COL26A1: variants seen among roughly 807,000 people sequenced by gnomAD.
COL26A1 encodes the protein collagen type XXVI alpha 1 chain, also known as collagen alpha-1(XXVI) chain.
COL26A1 carries 41 observed loss-of-function variants against 59.3 expected under a neutral mutation model. The ratio of observed to expected loss-of-function variants is 0.69; its 90% confidence interval spans 0.54 to 0.90. The LOEUF (loss-of-function observed/expected upper bound fraction) is 0.90, where lower values mean the gene tolerates loss of function less well. Among genes scored for constraint, COL26A1 ranks in the 40% least tolerant of loss-of-function variants. COL26A1 has a pLI of 0.00. For synonymous variants in COL26A1, 266 were observed against 256.0 expected (o/e 1.04, Z -0.37); for missense variants, 612 against 602.3 (o/e 1.02, Z -0.17).
In COL26A1 at chr7:101,557,489, C is replaced by A; in HGVS notation, c.1285C>A (p.Pro429Thr). ...GVLAALLGPD[P>T]GQKSVDQASS... ...CCTTGCTGCCCTGCTTGGGCCCGAC[C>A]CTGGACAGAAGAGCGTGGACCAGGC... Residue 429 changes from proline (P) to threonine (T), a missense_variant, in exon 13 of 13, where the codon CCT becomes ACT. Pro to Thr is a conservative substitution (Grantham distance 38). Coordinates refer to ENST00000313669, the MANE Select transcript of COL26A1 (RefSeq NM_001278563.3). 6.2e-7 allele frequency: 1 copy of A among 1,613,680 alleles called. No individual in the cohort carries two copies. Among genetic ancestry groups the A allele is most frequent in the Non-Finnish European group, 8.5e-7 (1 of 1,179,726 alleles).
chr7:101,462,783 T>A (rs1023615642), intron 3 of COL26A1, among the ~76,000 whole-genome samples: 1 of 151,868 alleles, frequency 6.6e-6, no homozygotes, highest in African/African-American at 2.4e-5. Flanking sequence ...GTCCCAGAAC[T>A]GGGGAACACC....
At chr7:101,529,219 C>T (rs1443945792) in intron 3 of COL26A1, among the ~76,000 whole-genome samples, 1 of 152,144 alleles carries the variant, frequency 6.6e-6, no homozygotes, top group Admixed American at 6.6e-5. Context: ...TTGTTTGTTA[C>T]ATGCATAATA....
At chr7:101,510,898 CTTTTTTTTTTT>C (rs908747824) in intron 3 of COL26A1, among the ~76,000 whole-genome samples, 5 of 130,926 alleles carry the variant, frequency 3.8e-5, no homozygotes, top group Non-Finnish European at 8.2e-5. Flanking sequence ...TTCTTTCTTT[CTTTTTTTTTTT>C]TTTTTTTTTG....
At chr7:101,386,780 G>A (rs964877925) in intron 1 of COL26A1, among the ~76,000 whole-genome samples, 2 of 152,180 alleles carry the variant, frequency 1.3e-5, no homozygotes, top group African/African-American at 4.8e-5. Flanking sequence ...CAGGGAGCAC[G>A]GTGGACCCAG....
rs1403344729 is a variant in COL26A1 at position 101,502,334 on chromosome 7, TCA to T, written c.386-30747_386-30746del. Among the ~76,000 whole-genome samples, 3 of 152,062 alleles carry T rather than the reference TCA, an allele frequency of 2.0e-5. No homozygotes were observed. In the East Asian group the frequency reaches 5.8e-4, roughly 29 times the overall value. On this transcript the variant is annotated intron_variant, in intron 3 of 12. Coordinates refer to ENST00000313669, the MANE Select transcript of COL26A1 (RefSeq NM_001278563.3). ...TCCAGCCTGGGCGACAGAGCAAGACTCAGTCTCAAACAACAACAACAACAAAC... is the reference window on the plus strand; with the variant it reads ...TCCAGCCTGGGCGACAGAGCAAGACTGTCTCAAACAACAACAACAACAAAC...
intron 1 of COL26A1, among the ~76,000 whole-genome samples, chr7:101,381,554 A>C (rs758822430): frequency 1.3e-5 from 2 of 152,194 alleles, no homozygotes; most frequent in African/African-American, 2.4e-5. Context: ...AGGGGCTGGT[A>C]TCTGGCAAAG....
intron 3 of COL26A1, among the ~76,000 whole-genome samples, chr7:101,509,947 C>T (rs1418598225): frequency 2.0e-5 from 3 of 151,514 alleles, no homozygotes; most frequent in Non-Finnish European, 2.9e-5. Flanking sequence ...AGGCTGGTCT[C>T]GAACTCCTGA....
At chr7:101,475,334 A>G (rs1205234403) in intron 3 of COL26A1, among the ~76,000 whole-genome samples, 1 of 151,688 alleles carries the variant, frequency 6.6e-6, no homozygotes. Context: ...TCTGGGGTAA[A>G]AGTCTTATGA....
At chr7:101,547,948 A>C (rs1795775832) in intron 8 of COL26A1, among the ~76,000 whole-genome samples, 1 of 152,260 alleles carries the variant, frequency 6.6e-6, no homozygotes, top group Non-Finnish European at 1.5e-5. Context: ...CAAAACAAAC[A>C]TCATCGAGAA....
At chr7:101,373,730 AGAG>A (rs1353943823) in intron 1 of COL26A1, among the ~76,000 whole-genome samples, 1 of 152,164 alleles carries the variant, frequency 6.6e-6, no homozygotes, top group Non-Finnish European at 1.5e-5. Context: ...GTGAGCACAT[AGAG>A]GAGGGAGACT....
intron 3 of COL26A1, among the ~76,000 whole-genome samples, chr7:101,503,799 G>A (rs1475552616): frequency 1.3e-5 from 2 of 152,238 alleles, no homozygotes; most frequent in Non-Finnish European, 2.9e-5. Flanking sequence ...CACAGGCACT[G>A]GTCAGGTTTG....
chr7:101,373,870 T>G (rs563214864), intron 1 of COL26A1, among the ~76,000 whole-genome samples: 1 of 152,158 alleles, frequency 6.6e-6, no homozygotes, highest in Non-Finnish European at 1.5e-5. Flanking sequence ...CATCTGTTAT[T>G]TTAAAATCCA....
chr7:101,554,568 A>T (rs1368355563), intron 11 of COL26A1, among the ~76,000 whole-genome samples: 4 of 35,606 alleles, frequency 1.1e-4, no homozygotes, highest in East Asian at 6.3e-4. Context: ...CCCATTTCTT[A>T]AAAAAAAAAA....
intron 3 of COL26A1, among the ~76,000 whole-genome samples, chr7:101,495,148 C>G: frequency 6.6e-6 from 1 of 152,146 alleles, no homozygotes; most frequent in Non-Finnish European, 1.5e-5. Context: ...ATCGGTGCCC[C>G]CCTCCCACCT....
intron 3 of COL26A1, among the ~76,000 whole-genome samples, chr7:101,471,425 A>C (rs181823802): frequency 1.2e-4 from 18 of 152,256 alleles, no homozygotes; most frequent in Non-Finnish European, 8.8e-5. Context: ...GAGTATAGTG[A>C]AGCTAAGATA....
At chr7:101,392,865 C>T (rs114073995) in intron 1 of COL26A1, among the ~76,000 whole-genome samples, 1,837 of 152,134 alleles carry the variant, frequency 0.012, 39 homozygotes, top group African/African-American at 0.042. Context: ...ACGGGTGGGA[C>T]GCAGGAGAGT....
intron 3 of COL26A1, among the ~76,000 whole-genome samples, chr7:101,520,664 C>CACACACACACACA (rs1554341000): frequency 0.011 from 1,022 of 95,862 alleles, 11 homozygotes; most frequent in African/African-American, 0.042. Flanking sequence ...ACACACACAC[C>CACACACACACACA]CCCGTGTTCT....
chr7:101,482,871 C>T (rs970040733), intron 3 of COL26A1, among the ~76,000 whole-genome samples: 3 of 152,180 alleles, frequency 2.0e-5, no homozygotes, highest in Non-Finnish European at 2.9e-5. Context: ...GCAGGAGAAT[C>T]GCTTGAACCT....
chr7:101,551,237 G>GGGGGGGGGGGGGGGGGGT, intron 10 of COL26A1, 94 bp downstream of exon 10: 1 of 386,366 alleles, frequency 2.6e-6, no homozygotes, highest in South Asian at 2.2e-5. Flanking sequence ...TGGTGGGGGG[G>GGGGGGGGGGGGGGGGGGT]TTCAGCCCTG....
Sources: allele counts gnomAD v4.1 joint callset (sites outside exome capture counted in the v4.1 genomes callset), GRCh38; gene constraint gnomAD v4.1.1; transcripts MANE v1.5; gene names NCBI Gene and HGNC (gene_info 2026-07-23, HGNC 2026-07-21).